Variants in GRID1 observed in about 807,000 individuals in gnomAD.
GRID1 encodes the protein glutamate receptor ionotropic, delta-1.
GRID1 carries 28 observed loss-of-function variants against 98.0 expected under a neutral mutation model. The observed-to-expected ratio is 0.29, with a 90% CI of 0.21 to 0.39. GRID1 has a LOEUF of 0.39. GRID1 is among the 10% of genes least tolerant of loss of function. The pLI, the probability that GRID1 is intolerant of heterozygous loss-of-function variation, is 1.00. For missense variants in GRID1, 1,111 were observed against 1,340.5 expected (o/e 0.83, Z 2.67); for synonymous variants, 553 against 538.5 (o/e 1.03, Z -0.37).
intron 2 of GRID1, among the ~76,000 whole-genome samples, chr10:86,341,443 G>A (rs1244750317): frequency 6.6e-6 from 1 of 152,106 alleles, no homozygotes; most frequent in African/African-American, 2.4e-5. Context: ...GGCCCGCTTA[G>A]GGAAATGCTT....
chr10:85,749,528 C>T (rs2140665), intron 8 of GRID1, among the ~76,000 whole-genome samples: 102,500 of 152,062 alleles, frequency 0.67, 34,722 homozygotes, highest in East Asian at 0.81. Context: ...GAGTGACATT[C>T]CAGAAACATA....
intron 3 of GRID1, among the ~76,000 whole-genome samples, chr10:86,191,766 C>T (rs572166304): frequency 1.3e-5 from 2 of 152,280 alleles, no homozygotes; most frequent in African/African-American, 2.4e-5. Context: ...TCACTCCAGC[C>T]CTGCCCAGTT....
At chr10:86,141,004 C>A (rs1845003068) in intron 3 of GRID1, among the ~76,000 whole-genome samples, 1 of 152,074 alleles carries the variant, frequency 6.6e-6, no homozygotes, top group Admixed American at 6.6e-5. Flanking sequence ...TGTCCATCAG[C>A]AGCCTGGTCC....
At chr10:85,859,001 G>A (rs1843139608) in intron 6 of GRID1, among the ~76,000 whole-genome samples, 1 of 152,214 alleles carries the variant, frequency 6.6e-6, no homozygotes, top group African/African-American at 2.4e-5. Flanking sequence ...CTTCCCACAA[G>A]TATGTCTGCT....
rs1004429170 is a variant in GRID1, at chr10:86,366,156, G to A, written c.79+158C>T. ...AGCCAGCGGGAGCGCGGCGCGGCCG[G>A]TGCACAGCTCCTCCGCCGGGCGGCG... On this transcript the variant is annotated intron_variant, in intron 1 of 15. Coordinates refer to ENST00000327946, the MANE Select transcript of GRID1 (RefSeq NM_017551.3). This position sits in a 1 kb window ranked among gnomAD's most constrained non-coding sequence, Gnocchi z 4.1. 6.6e-6 allele frequency among the ~76,000 whole-genome samples: 1 copy of A among 151,612 alleles called. No individual in the cohort carries two copies. Among genetic ancestry groups the A allele is most frequent in the Non-Finnish European group, 1.5e-5 (1 of 67,854 alleles).
chr10:86,253,579 A>T (rs1010035355), intron 2 of GRID1, among the ~76,000 whole-genome samples: 1 of 152,028 alleles, frequency 6.6e-6, no homozygotes, highest in African/African-American at 2.4e-5. Flanking sequence ...CCAGAGACAC[A>T]CCCACCCAGC....
intron 4 of GRID1, among the ~76,000 whole-genome samples, chr10:86,009,245 AT>A (rs903649738): frequency 1.3e-5 from 2 of 151,732 alleles, no homozygotes; most frequent in African/African-American, 4.8e-5. Flanking sequence ...TTGCAGAAGA[AT>A]TTTTTTTTAA....
intron 2 of GRID1, among the ~76,000 whole-genome samples, chr10:86,359,869 A>C (rs569857419): frequency 2.0e-5 from 3 of 152,350 alleles, no homozygotes; most frequent in African/African-American, 7.2e-5. Flanking sequence ...TTTTCACACT[A>C]TTTGTTAATA....
In GRID1 at chr10:85,795,988, A is replaced by AGG. The variant is rs144665317; in HGVS notation, c.1233+58506_1233+58507dup. Among the ~76,000 whole-genome samples, 730 of 152,312 alleles carry AGG rather than the reference A, an allele frequency of 4.8e-3. 6 individuals carry two copies. Among genetic ancestry groups the AGG allele is most frequent in the African/African-American group, 0.017 (698 of 41,578 alleles). ...AAAAGGGGAGCTGGGGAGTTAAGGG[A>AGG]GGGTTGCAAACAAAACCAAACCTCT... is the stretch of plus-strand genomic sequence containing the variant. On this transcript the variant is annotated intron_variant, in intron 8 of 15. Transcript: ENST00000327946.
intron 2 of GRID1, among the ~76,000 whole-genome samples, chr10:86,310,711 C>A (rs559637836): frequency 1.0e-3 from 157 of 152,342 alleles, no homozygotes; most frequent in African/African-American, 3.6e-3. Flanking sequence ...ATGCCTGCTG[C>A]CCCTCTGTCA....
At chr10:85,783,897 A>T (rs76699341) in intron 8 of GRID1, among the ~76,000 whole-genome samples, 724 of 152,080 alleles carry the variant, frequency 4.8e-3, no homozygotes, top group Non-Finnish European at 7.7e-3. Flanking sequence ...TAGCCTGGCC[A>T]CTCCCAGGAT....
Position 86,161,488 on chromosome 10 carries a change from G to A in GRID1, c.521-22464C>T, listed in dbSNP as rs536993766. On this transcript the variant is annotated intron_variant, in intron 3 of 15. Coordinates refer to ENST00000327946, the MANE Select transcript of GRID1 (RefSeq NM_017551.3). Reference sequence around the variant, plus strand: ...CACCGAGCGCTCCTGCTCCTCCCATGAGAAATGCCCTAACCCCATTACACA... The same window carrying A: ...CACCGAGCGCTCCTGCTCCTCCCATAAGAAATGCCCTAACCCCATTACACA... 3.3e-5 allele frequency among the ~76,000 whole-genome samples: 5 copies of A among 152,262 alleles called. No individual in the cohort carries two copies. The South Asian group carries it at 1.0e-3, about 32-fold the overall frequency.
At chr10:85,964,170 T>C (rs113895214) in intron 4 of GRID1, among the ~76,000 whole-genome samples, 2,938 of 152,266 alleles carry the variant, frequency 0.019, 115 homozygotes, top group African/African-American at 0.067. Flanking sequence ...TCCATGCTCA[T>C]GGATAAGAAC....
intron 2 of GRID1, among the ~76,000 whole-genome samples, chr10:86,336,424 C>G (rs1018645099): frequency 6.6e-6 from 1 of 152,188 alleles, no homozygotes; most frequent in African/African-American, 2.4e-5. Flanking sequence ...GATGTCAGTG[C>G]TCCTTGCAGC....
intron 15 of GRID1, among the ~76,000 whole-genome samples, chr10:85,607,671 G>A (rs1842686900): frequency 6.6e-6 from 1 of 152,156 alleles, no homozygotes; most frequent in African/African-American, 2.4e-5. Flanking sequence ...GTGGGTGGTA[G>A]CAGCAGGTGC....
At chr10:86,219,429 G>A (rs932227786) in intron 2 of GRID1, among the ~76,000 whole-genome samples, 2 of 152,140 alleles carry the variant, frequency 1.3e-5, no homozygotes, top group East Asian at 1.9e-4. Flanking sequence ...CTCCACAGAC[G>A]CCGCCCCTCC....
rs1554857373 is a variant in GRID1, at chr10:85,599,940, A to AACAC, written c.*2329_*2332dup. 1 of 85,820 alleles carries AACAC rather than the reference A, an allele frequency of 1.2e-5. No individual in the cohort carries two copies. The highest frequency in any genetic ancestry group is 2.4e-5 in the Non-Finnish European group (1 of 42,518). The allele number at this position is 85,820 out of a possible 1,614,324, so 5.3% of individuals were successfully genotyped here. On this transcript the variant is annotated 3_prime_UTR_variant, in exon 16 of 16. Coordinates refer to ENST00000327946, the MANE Select transcript of GRID1 (RefSeq NM_017551.3). ...TCTCTCACACACACACACACACACA[A>AACAC]ACACACACACACAGGCGCACAAACA...
intron 3 of GRID1, among the ~76,000 whole-genome samples, chr10:86,171,015 C>CT (rs1379153465): frequency 5.3e-5 from 8 of 152,172 alleles, no homozygotes; most frequent in Non-Finnish European, 1.0e-4. Context: ...TGACTTCCTT[C>CT]TGAGGCAGTG....
Position 85,865,904 on chromosome 10 carries a change from C to CATATATACATATATATATATAT in GRID1, c.951+3084_951+3105dup, listed in dbSNP as rs1231582327. 5.7e-3 allele frequency among the ~76,000 whole-genome samples: 301 copies of CATATATACATATATATATATAT among 52,394 alleles called. 8 individuals carry two copies. The highest frequency in any genetic ancestry group is 0.023 in the African/African-American group (282 of 12,230). 34.4% of individuals were successfully genotyped at this position (52,394 alleles called of 152,430 possible). ...GAGATTCCTTTAATAAAGTGTTTTA[C>CATATATACATATATATATATAT]ATATATACATATATATATATATATA... On this transcript the variant is annotated intron_variant, in intron 6 of 15. Coordinates refer to ENST00000327946, the MANE Select transcript of GRID1 (RefSeq NM_017551.3).
Sources: gnomAD v4.1 joint callset for allele counts (sites outside exome capture counted in the v4.1 genomes callset) on GRCh38, gnomAD v4.1.1 for gene constraint, Gnocchi (gnomAD v3.1) non-coding constraint, MANE v1.5 for transcripts, NCBI Gene and HGNC (gene_info 2026-07-23, HGNC 2026-07-21) for gene names.